DOCK1: variants seen among roughly 807,000 people sequenced by gnomAD.
DOCK1 encodes the protein dedicator of cytokinesis protein 1.
Under a neutral mutation model 262.7 loss-of-function variants are expected in DOCK1, and 138 were observed. The ratio of observed to expected loss-of-function variants is 0.53; its 90% CI spans 0.46 to 0.61. DOCK1 has a LOEUF of 0.61. Among genes scored for constraint, DOCK1 ranks in the 20% least tolerant of loss-of-function variants. DOCK1 has a pLI of 0.00. For synonymous variants in DOCK1, 866 were observed against 867.4 expected, an observed-to-expected ratio of 1.00 and a Z score of 0.03; for missense variants, 1,908 against 2,370.7, an observed-to-expected ratio of 0.80 and a Z score of 4.05.
intron 1 of DOCK1, among the ~76,000 whole-genome samples, chr10:126,927,822 C>T (rs1178030559): frequency 6.6e-6 from 1 of 152,180 alleles, no homozygotes; most frequent in Non-Finnish European, 1.5e-5. Flanking sequence ...GTTAAGGACT[C>T]AGTGAAGAAC....
rs72841538 is a variant in DOCK1 at position 127,386,177 on chromosome 10, C to T, written c.3927+1268C>T. On this transcript the variant is annotated intron_variant, in intron 38 of 51. Transcript: ENST00000623213. ...CTGCTCACATTTGGAGTAAGCGATG[C>T]GGCATCCTTTATTTGTCCCTGCCAT... Among the ~76,000 whole-genome samples the T allele has an allele frequency of 4.8e-3, 732 of 152,288 alleles. 1 individual carries two copies. The highest frequency in any genetic ancestry group is 7.9e-3 in the Non-Finnish European group (538 of 68,028).
At chr10:127,407,206 G>A (rs1247278139) in intron 40 of DOCK1, among the ~76,000 whole-genome samples, 1 of 152,162 alleles carries the variant, frequency 6.6e-6, no homozygotes, top group Non-Finnish European at 1.5e-5. Context: ...CACTGGGGCT[G>A]CTGTAACAAA....
At chr10:126,962,939 C>T (rs1231396788) in intron 1 of DOCK1, among the ~76,000 whole-genome samples, 1 of 151,164 alleles carries the variant, frequency 6.6e-6, no homozygotes, top group Non-Finnish European at 1.5e-5. Flanking sequence ...TTTTTTTTTG[C>T]AAGTGGATAT....
At chr10:127,382,972 A>G (rs2065903546) in intron 37 of DOCK1, among the ~76,000 whole-genome samples, 1 of 152,190 alleles carries the variant, frequency 6.6e-6, no homozygotes, top group Admixed American at 6.5e-5. Flanking sequence ...GGAATGCTAC[A>G]TAATCTCTCT....
At position 126,968,696 on chromosome 10, in the gene DOCK1, A is replaced by G. The variant is rs543968942; in HGVS notation, c.47-2006A>G. 1.0e-3 allele frequency among the ~76,000 whole-genome samples: 158 copies of G among 152,234 alleles called. 4 individuals are homozygous for G. Among genetic ancestry groups the G allele is most frequent in the Middle Eastern group, 0.01 (3 of 292 alleles). On this transcript the variant is annotated intron_variant, in intron 1 of 51. Coordinates refer to ENST00000623213, the MANE Select transcript of DOCK1 (RefSeq NM_001290223.2). ...TCTAGAACAGAATAGGTGTGCTGGC[A>G]GGGATGCTGTTAGGAACTGTGATAG...
intron 29 of DOCK1, among the ~76,000 whole-genome samples, chr10:127,294,709 C>T (rs371728364): frequency 4.2e-5 from 6 of 144,566 alleles, no homozygotes; most frequent in African/African-American, 1.6e-4. Context: ...AGTGCAACGG[C>T]GTGATCTCGG....
chr10:127,365,686 G>T (rs578035990), intron 33 of DOCK1, among the ~76,000 whole-genome samples: 18 of 152,288 alleles, frequency 1.2e-4, no homozygotes, highest in Admixed American at 9.8e-4. Context: ...GAATAAAGAA[G>T]AATGAGAGTT....
intron 29 of DOCK1, among the ~76,000 whole-genome samples, chr10:127,290,883 ATTTGTGTGCAGTTT>A (rs1285445011): frequency 1.3e-5 from 2 of 152,200 alleles, no homozygotes; most frequent in African/African-American, 4.8e-5. Flanking sequence ...TGCTTTGAAC[ATTTGTGTGCAGTTT>A]TTTGTGTGTG....
At position 127,149,259 on chromosome 10, in the gene DOCK1, CA is replaced by C. The variant is rs532014157; in HGVS notation, c.2847+21497del. Reference sequence around the variant, plus strand: ...CTGGAGACTGAACAGACACCCCACCCAAGAGAGAGGGCAGAGAAGCTCAGCC... The same window carrying C: ...CTGGAGACTGAACAGACACCCCACCCAGAGAGAGGGCAGAGAAGCTCAGCC... On this transcript the variant is annotated intron_variant, in intron 27 of 51. Transcript: ENST00000623213. Among the ~76,000 whole-genome samples the C allele has an allele frequency of 1.7e-3, 266 of 152,214 alleles. 2 individuals are homozygous for C. Among genetic ancestry groups the C allele is most frequent in the Non-Finnish European group, 3.3e-3 (226 of 68,016 alleles).
chr10:127,376,857 T>C (rs2065523254), intron 35 of DOCK1, among the ~76,000 whole-genome samples: 1 of 152,226 alleles, frequency 6.6e-6, no homozygotes, highest in African/African-American at 2.4e-5. Context: ...GGTGGTGTGC[T>C]CTGAATATGG....
rs774121100 is a variant in DOCK1, at chr10:127,433,314, G to T, written c.4946G>T (p.Arg1649Leu). ...PSSLDDRRGS[R>L]PRSMVRSFTM... Reference sequence around the variant, plus strand: ...AGTCTGGATGATAGAAGAGGCAGCCGCCCCCGGTCCATGGTGCGGTCCTTC... The same window carrying T: ...AGTCTGGATGATAGAAGAGGCAGCCTCCCCCGGTCCATGGTGCGGTCCTTC... The change falls in exon 48 of 52, where the codon CGC becomes CTC. Residue 1649 changes from arginine to leucine, a missense_variant. Arg to Leu is a moderately radical substitution (Grantham distance 102). Coordinates refer to ENST00000623213, the MANE Select transcript of DOCK1 (RefSeq NM_001290223.2). 1 of 1,613,730 alleles carries T rather than the reference G, an allele frequency of 6.2e-7. No homozygotes were observed. Among genetic ancestry groups the T allele is most frequent in the African/African-American group, 1.3e-5 (1 of 74,878 alleles).
chr10:127,028,097 C>T (rs1397002659), intron 16 of DOCK1, among the ~76,000 whole-genome samples: 3 of 152,076 alleles, frequency 2.0e-5, no homozygotes, highest in South Asian at 2.1e-4. Flanking sequence ...TGGCAGCTGC[C>T]GAAAGCATCA....
chr10:127,451,468 ATCTCCATGCCCTC>A lies in DOCK1; in HGVS notation c.*44_*56del. 1 of 1,551,632 alleles carries A rather than the reference ATCTCCATGCCCTC, an allele frequency of 6.4e-7. No individual in the cohort carries two copies. Among genetic ancestry groups the A allele is most frequent in the Non-Finnish European group, 8.7e-7 (1 of 1,147,914 alleles). ...TGGAAAGAGTGTGCTGCCCCTCCCC[ATCTCCATGCCCTC>A]TCCTTCTGTGTCCCCTGAGTCTGCT... On this transcript the variant is annotated 3_prime_UTR_variant, in exon 52 of 52. Transcript: ENST00000623213.
chr10:127,288,796 C>T (rs1339430276), intron 29 of DOCK1, among the ~76,000 whole-genome samples: 2 of 150,502 alleles, frequency 1.3e-5, no homozygotes, highest in Non-Finnish European at 3.0e-5. Flanking sequence ...CACACACACA[C>T]ACACACACAC....
At chr10:127,013,638 G>A (rs539149791) in intron 12 of DOCK1, 47 of 152,304 alleles carry the variant, frequency 3.1e-4, no homozygotes, top group African/African-American at 1.1e-3. Context: ...CTTTGAAGCC[G>A]GCGAACCTTG....
At chr10:126,960,827 T>C (rs1055501931) in intron 1 of DOCK1, among the ~76,000 whole-genome samples, 6 of 140,530 alleles carry the variant, frequency 4.3e-5, no homozygotes, top group African/African-American at 1.6e-4. Context: ...TATACGTGTG[T>C]ATATCTATAC....
intron 27 of DOCK1, chr10:127,135,955 T>G (rs1286960880): frequency 1.3e-5 from 2 of 152,676 alleles, no homozygotes; most frequent in East Asian, 1.9e-4. Flanking sequence ...GAAACCCATT[T>G]TTAAATATTT....
chr10:127,296,579 A>G (rs185454131), intron 29 of DOCK1, among the ~76,000 whole-genome samples: 1 of 152,234 alleles, frequency 6.6e-6, no homozygotes, highest in Non-Finnish European at 1.5e-5. Flanking sequence ...CAGGCAAAGA[A>G]TCTTCCAGAT....
At chr10:127,387,484 G>A (rs1351266055) in intron 38 of DOCK1, among the ~76,000 whole-genome samples, 3 of 152,158 alleles carry the variant, frequency 2.0e-5, no homozygotes, top group Non-Finnish European at 4.4e-5. Flanking sequence ...TCCCTGCAGT[G>A]CCCTGGGCAT....
Sources: allele counts gnomAD v4.1 joint callset (sites outside exome capture counted in the v4.1 genomes callset), GRCh38; gene constraint gnomAD v4.1.1; transcripts MANE v1.5; gene names NCBI Gene and HGNC (gene_info 2026-07-23, HGNC 2026-07-21).